The following ASIC2 variants were observed in gnomAD, a reference collection of about 807,000 sequenced individuals.
ASIC2 encodes the protein acid sensing ion channel subunit 2.
A neutral mutation model predicts 57.3 loss-of-function variants in ASIC2; 25 were observed. That is an observed-to-expected ratio of 0.44 (90% CI 0.32 to 0.61). ASIC2 has a LOEUF of 0.61. Among genes scored for constraint, ASIC2 ranks in the 20% least tolerant of loss-of-function variants. ASIC2 has a pLI of 0.06. For missense variants in ASIC2, 641 were observed against 738.1 expected (o/e 0.87, Z 1.52); for synonymous variants, 319 against 307.5 (o/e 1.04, Z -0.39).
intron 1 of ASIC2, among the ~76,000 whole-genome samples, chr17:33,366,568 A>C (rs1597701237): frequency 6.6e-6 from 1 of 152,160 alleles, no homozygotes; most frequent in African/African-American, 2.4e-5. Context: ...AATCTAGATC[A>C]AGGATCCTTT....
intron 1 of ASIC2, among the ~76,000 whole-genome samples, chr17:33,564,849 A>G (rs1916184332): frequency 6.6e-6 from 1 of 152,228 alleles, no homozygotes; most frequent in Non-Finnish European, 1.5e-5. Flanking sequence ...TAAGCCACAA[A>G]CAATAGCATG....
At chr17:33,464,022 G>A (rs1912729224) in intron 1 of ASIC2, among the ~76,000 whole-genome samples, 1 of 152,120 alleles carries the variant, frequency 6.6e-6, no homozygotes, top group South Asian at 2.1e-4. Flanking sequence ...AAACAATCCA[G>A]TTTTGAAATT....
chr17:33,922,590 A>T (rs1245805096), intron 1 of ASIC2, among the ~76,000 whole-genome samples: 1 of 152,236 alleles, frequency 6.6e-6, no homozygotes, highest in African/African-American at 2.4e-5. Flanking sequence ...AATAATGAAC[A>T]TTCTACAAAT....
chr17:34,129,164 A>G (rs1911879882), intron 1 of ASIC2, among the ~76,000 whole-genome samples: 1 of 152,224 alleles, frequency 6.6e-6, no homozygotes, highest in Admixed American at 6.5e-5. Flanking sequence ...TTACACGTCA[A>G]GCACTATGCT....
chr17:33,400,023 C>T (rs1222966839), intron 1 of ASIC2, among the ~76,000 whole-genome samples: 1 of 152,216 alleles, frequency 6.6e-6, no homozygotes. Context: ...CCTGTCTGCA[C>T]AGGTCTGGGC....
intron 1 of ASIC2, among the ~76,000 whole-genome samples, chr17:33,507,500 T>A (rs923145531): frequency 3.3e-5 from 5 of 152,238 alleles, no homozygotes; most frequent in Non-Finnish European, 7.3e-5. Flanking sequence ...GCAAACGATT[T>A]CTGTAAAAGG....
intron 1 of ASIC2, among the ~76,000 whole-genome samples, chr17:33,163,989 C>T (rs1313468628): frequency 6.6e-6 from 1 of 152,162 alleles, no homozygotes; most frequent in Non-Finnish European, 1.5e-5. Context: ...CTGCGGATGA[C>T]CTCAATTCAT....
intron 1 of ASIC2, among the ~76,000 whole-genome samples, chr17:33,915,507 C>T (rs948990343): frequency 6.6e-6 from 1 of 152,182 alleles, no homozygotes; most frequent in Admixed American, 6.5e-5. Flanking sequence ...AGATTTATCC[C>T]ATTTAAGATG....
At chr17:34,028,572 T>A (rs553290754) in intron 1 of ASIC2, among the ~76,000 whole-genome samples, 3 of 152,328 alleles carry the variant, frequency 2.0e-5, no homozygotes, top group Non-Finnish European at 4.4e-5. Context: ...ATGGATGCTA[T>A]CTCATTTACA....
At chr17:33,638,334 G>A (rs74660507) in intron 1 of ASIC2, among the ~76,000 whole-genome samples, 3,287 of 152,266 alleles carry the variant, frequency 0.022, 44 homozygotes, top group Non-Finnish European at 0.033. Flanking sequence ...AATTCCTCCC[G>A]TGATTAGCCT....
chr17:34,130,266 G>C (rs945037979), intron 1 of ASIC2, among the ~76,000 whole-genome samples: 2 of 146,708 alleles, frequency 1.4e-5, no homozygotes, highest in Non-Finnish European at 3.0e-5. Flanking sequence ...CCCTTACCCT[G>C]TGCAGGCTCC....
intron 3 of ASIC2, among the ~76,000 whole-genome samples, chr17:33,032,926 T>C (rs779855491): frequency 6.6e-6 from 1 of 152,242 alleles, no homozygotes; most frequent in Non-Finnish European, 1.5e-5. Flanking sequence ...TTAACTTTTT[T>C]TTTTTAGAAT....
rs528425505 is a variant in ASIC2, at chr17:34,144,029, T to A, written c.555+11949A>T. On this transcript the variant is annotated intron_variant, in intron 1 of 9. Transcript: ENST00000359872. ...GGATCAAATAGCATCTTAGAAAGCA[T>A]TTAGGATATAAAATCAGATACCTCA... Among the ~76,000 whole-genome samples, 10 of 152,306 alleles carry A rather than the reference T, an allele frequency of 6.6e-5. No individual in the cohort carries two copies. The South Asian group carries it at 2.1e-3, about 32-fold the overall frequency.
intron 1 of ASIC2, chr17:33,792,874 T>C (rs1285448237): frequency 1.3e-5 from 2 of 152,152 alleles, no homozygotes; most frequent in African/African-American, 4.8e-5. Context: ...CTGAGACCTT[T>C]GGCAAATTCA....
chr17:33,401,290 C>T (rs191143733), intron 1 of ASIC2, among the ~76,000 whole-genome samples: 88 of 152,340 alleles, frequency 5.8e-4, no homozygotes, highest in Middle Eastern at 3.4e-3. Context: ...ATGTGTGCTT[C>T]GCCATCTGTA....
At chr17:34,077,329 A>C (rs756846631) in intron 1 of ASIC2, among the ~76,000 whole-genome samples, 94 of 152,254 alleles carry the variant, frequency 6.2e-4, no homozygotes, top group African/African-American at 2.1e-3. Flanking sequence ...CCTGTGATCG[A>C]GCCCCGGGAG....
chr17:33,483,144 G>C (rs12449499), intron 1 of ASIC2, among the ~76,000 whole-genome samples: 42 of 151,972 alleles, frequency 2.8e-4, no homozygotes, highest in African/African-American at 9.9e-4. Context: ...ACAGATCTAC[G>C]CGGCCTCCTG....
chr17:33,497,365 C>G (rs1046700478), intron 1 of ASIC2, among the ~76,000 whole-genome samples: 4 of 152,208 alleles, frequency 2.6e-5, no homozygotes, highest in African/African-American at 7.2e-5. Context: ...TTATCTTCTT[C>G]CATGTAGGGT....
At chr17:33,510,313 T>C (rs1171729642) in intron 1 of ASIC2, among the ~76,000 whole-genome samples, 1 of 152,158 alleles carries the variant, frequency 6.6e-6, no homozygotes, top group African/African-American at 2.4e-5. Context: ...CATTTAAAAA[T>C]CAGAAGAATT....
Sources: gnomAD v4.1 joint callset for allele counts (sites outside exome capture counted in the v4.1 genomes callset) on GRCh38, gnomAD v4.1.1 for gene constraint, MANE v1.5 for transcripts, NCBI Gene and HGNC (gene_info 2026-07-23, HGNC 2026-07-21) for gene names.